The following FBN2 variants were observed in gnomAD, a reference collection of about 807,000 sequenced individuals.
The protein encoded by FBN2 is fibrillin 2, also known as fibrillin-2.
FBN2 carries 105 observed loss-of-function variants against 355.6 expected under a neutral mutation model. That is an observed-to-expected ratio of 0.30 (90% CI 0.25 to 0.35). The LOEUF is 0.35. Among genes scored for constraint, FBN2 ranks in the 10% least tolerant of loss-of-function variants. The probability of loss-of-function intolerance (pLI) is 1.00; values close to 1 mark genes in which losing one functional copy is unlikely to be tolerated. For missense variants in FBN2, 3,280 were observed against 3,758.7 expected (o/e 0.87, Z 3.33); for synonymous variants, 1,350 against 1,301.2 (o/e 1.04, Z -0.81).
chr5:128,429,677 T>A (rs2127028449), intron 7 of FBN2, among the ~76,000 whole-genome samples: 1 of 152,314 alleles, frequency 6.6e-6, no homozygotes, highest in African/African-American at 2.4e-5. Flanking sequence ...TATAATCAAA[T>A]TTTACATTAA....
At chr5:128,367,014 A>G (rs1289144022) in intron 16 of FBN2, among the ~76,000 whole-genome samples, 1 of 152,196 alleles carries the variant, frequency 6.6e-6, no homozygotes, top group Admixed American at 6.5e-5. Flanking sequence ...GTCCCATTTA[A>G]TAGGCCATTT....
intron 36 of FBN2, among the ~76,000 whole-genome samples, chr5:128,316,387 T>C (rs1025962249): frequency 2.0e-5 from 3 of 152,234 alleles, no homozygotes; most frequent in African/African-American, 4.8e-5. Context: ...TATTTTATAA[T>C]GTTTCAGACC....
intron 20 of FBN2, among the ~76,000 whole-genome samples, chr5:128,354,117 G>T (rs566706523): frequency 6.6e-6 from 1 of 152,304 alleles, no homozygotes; most frequent in South Asian, 2.1e-4. Context: ...ATAAAGCAGG[G>T]TAATTAGCTT....
rs184678549 is a variant in FBN2, at chr5:128,293,833, T to A, written c.6167-2179A>T. Reference sequence around the variant, plus strand: ...CAGGATCTTAAACTTTTCTTTTTTTTAATTAATTAATTAATTATTATACTT... The same window carrying A: ...CAGGATCTTAAACTTTTCTTTTTTTAAATTAATTAATTAATTATTATACTT... On this transcript the variant is annotated intron_variant, in intron 48 of 64. Transcript: ENST00000262464. 4.4e-3 allele frequency among the ~76,000 whole-genome samples: 660 copies of A among 150,296 alleles called. 6 individuals carry two copies. Among genetic ancestry groups the A allele is most frequent in the African/African-American group, 0.016 (616 of 39,654 alleles).
At chr5:128,310,364 AC>A (rs1750001487) in intron 39 of FBN2, among the ~76,000 whole-genome samples, 1 of 38,832 alleles carries the variant, frequency 2.6e-5, no homozygotes, top group African/African-American at 1.0e-4. Flanking sequence ...TTTCCTTGGC[AC>A]ATATATATAT....
intron 7 of FBN2, among the ~76,000 whole-genome samples, chr5:128,420,025 T>G (rs1271493927): frequency 1.3e-5 from 2 of 152,138 alleles, no homozygotes; most frequent in Non-Finnish European, 2.9e-5. Flanking sequence ...TGGGGTTAAT[T>G]TGATAATTGA....
At chr5:128,299,238 C>G (rs1241249931) in intron 48 of FBN2, among the ~76,000 whole-genome samples, 1 of 151,782 alleles carries the variant, frequency 6.6e-6, no homozygotes, top group African/African-American at 2.4e-5. Flanking sequence ...CTCTTCAAAG[C>G]TGTCAGACAG....
chr5:128,432,202 T>C (rs1483420283), intron 7 of FBN2, among the ~76,000 whole-genome samples: 1 of 152,214 alleles, frequency 6.6e-6, no homozygotes, highest in Admixed American at 6.5e-5. Flanking sequence ...GGAATAACAT[T>C]CATAAACACA....
At chr5:128,500,159 A>T (rs190466331) in intron 5 of FBN2, among the ~76,000 whole-genome samples, 8 of 152,008 alleles carry the variant, frequency 5.3e-5, no homozygotes, top group Admixed American at 2.6e-4. Flanking sequence ...TAAATGTGAT[A>T]AAAAAAATTC....
chr5:128,347,291 T>G (rs1405822986), intron 23 of FBN2, among the ~76,000 whole-genome samples: 1 of 152,214 alleles, frequency 6.6e-6, no homozygotes, highest in Non-Finnish European at 1.5e-5. Context: ...AGAGCAATCC[T>G]GTCTTTAATA....
chr5:128,356,309 C>G (rs1237340575), intron 20 of FBN2, among the ~76,000 whole-genome samples: 1 of 152,146 alleles, frequency 6.6e-6, no homozygotes, highest in African/African-American at 2.4e-5. Flanking sequence ...TAATTTTGGA[C>G]TTGGTCATTT....
chr5:128,464,606 C>T lies in FBN2; in HGVS notation c.826+118G>A, dbSNP rs900230314. 4.4e-5 allele frequency: 48 copies of T among 1,100,236 alleles called. No homozygotes were observed. The Admixed American group carries it at 8.1e-4, about 19-fold the overall frequency. 68.2% of individuals were successfully genotyped at this position (1,100,236 alleles called of 1,614,324 possible). A position where few individuals can be genotyped will look rare whatever the true frequency, so the allele number is the denominator to read the frequency against. On this transcript the variant is annotated intron_variant, in intron 6 of 64. Transcript: ENST00000262464. Reference sequence around the variant, plus strand: ...TCTCTGGTCAGGGTTGTTAACGAGGCCACTCTTGGAAATCAGTATTCTGTT... The same window carrying T: ...TCTCTGGTCAGGGTTGTTAACGAGGTCACTCTTGGAAATCAGTATTCTGTT...
At chr5:128,501,496 C>T (rs1014996258) in intron 5 of FBN2, among the ~76,000 whole-genome samples, 7 of 152,060 alleles carry the variant, frequency 4.6e-5, no homozygotes, top group African/African-American at 7.2e-5. Context: ...AGAAATGGGT[C>T]GGGAACTATG....
intron 7 of FBN2, among the ~76,000 whole-genome samples, chr5:128,435,999 T>C (rs1219164505): frequency 6.6e-6 from 1 of 152,182 alleles, no homozygotes; most frequent in Non-Finnish European, 1.5e-5. Flanking sequence ...GTAAACAGTT[T>C]TGTTTAGGTT....
Position 128,300,811 on chromosome 5 carries a change from T to C in FBN2, c.6166+6A>G. 1 of 1,613,858 alleles carries C rather than the reference T, an allele frequency of 6.2e-7. No individual in the cohort carries two copies. The highest frequency in any genetic ancestry group is 1.7e-5 in the Admixed American group (1 of 60,032). ...TAGTGGGCCTCAGAATAAATGTTAC[T>C]CTTACCAATGCAGTTCTCGCTTTTT... On this transcript the variant is annotated splice_donor_region_variant and intron_variant, in intron 48 of 64. Coordinates refer to ENST00000262464, the MANE Select transcript of FBN2 (RefSeq NM_001999.4).
At chr5:128,324,619 C>CTTT (rs1166002656) in intron 34 of FBN2, among the ~76,000 whole-genome samples, 2 of 137,724 alleles carry the variant, frequency 1.5e-5, no homozygotes, top group Non-Finnish European at 3.2e-5. Context: ...TTTTCTTTTT[C>CTTT]TTTTTTTTTT....
chr5:128,525,297 A>G (rs1756534117), intron 4 of FBN2, among the ~76,000 whole-genome samples: 1 of 152,148 alleles, frequency 6.6e-6, no homozygotes, highest in African/African-American at 2.4e-5. Context: ...AAACTTTGCA[A>G]AACAGAGTTG....
chr5:128,293,905 T>C (rs1749411440), intron 48 of FBN2, among the ~76,000 whole-genome samples: 2 of 152,138 alleles, frequency 1.3e-5, no homozygotes, highest in Admixed American at 6.5e-5. Flanking sequence ...GTTACATATG[T>C]ATACATGTGC....
intron 5 of FBN2, among the ~76,000 whole-genome samples, chr5:128,475,475 G>A (rs1366341695): frequency 3.9e-5 from 6 of 151,924 alleles, no homozygotes; most frequent in African/African-American, 1.2e-4. Context: ...GAATAAACAG[G>A]TCACAACATA....
Sources: allele counts gnomAD v4.1 joint callset (sites outside exome capture counted in the v4.1 genomes callset), GRCh38; gene constraint gnomAD v4.1.1; transcripts MANE v1.5; gene names NCBI Gene and HGNC (gene_info 2026-07-23, HGNC 2026-07-21).